DMD: variants seen among roughly 807,000 people sequenced by gnomAD.
The protein encoded by DMD is dystrophin, also known as mutant dystrophin.
A neutral mutation model predicts 330.1 loss-of-function variants in DMD; 63 were observed. The ratio of observed to expected loss-of-function variants is 0.19; its 90% CI spans 0.16 to 0.24. The LOEUF is 0.24. DMD is among the 10% of genes least tolerant of loss of function. The pLI is 1.00. For synonymous variants in DMD, 1,223 were observed against 959.8 expected (o/e 1.27, Z -5.07); for missense variants, 3,344 against 2,684.1 (o/e 1.25, Z -5.43).
chrX:32,852,982 G>GA (rs1158069644), intron 2 of DMD, among the ~76,000 whole-genome samples: 1 of 111,825 alleles, frequency 8.9e-6, no homozygotes, highest in Non-Finnish European at 1.9e-5. Context: ...AGCAGCAAGA[G>GA]AAAAGATACA....
intron 7 of DMD, among the ~76,000 whole-genome samples, chrX:32,732,556 C>A (rs1426109065): frequency 9.9e-5 from 11 of 111,394 alleles, no homozygotes; most frequent in Admixed American, 5.7e-4. Flanking sequence ...ACACTAACAG[C>A]GGATCTCTCG....
chrX:31,612,782 T>G (rs1047763585), intron 55 of DMD, among the ~76,000 whole-genome samples: 3 of 112,481 alleles, frequency 2.7e-5, no homozygotes, highest in African/African-American at 9.7e-5. Context: ...TATGTTGCTA[T>G]TCGAGAGGTA....
At chrX:32,661,246 T>C (rs1027217199) in intron 9 of DMD, among the ~76,000 whole-genome samples, 1 of 111,495 alleles carries the variant, frequency 9.0e-6, no homozygotes, top group Non-Finnish European at 1.9e-5. Flanking sequence ...GTCTTCATCA[T>C]CTAAATTCTT....
At chrX:31,514,562 T>C (rs755697184) in intron 55 of DMD, among the ~76,000 whole-genome samples, 28 of 112,338 alleles carry the variant, frequency 2.5e-4, no homozygotes, top group African/African-American at 8.1e-4. Flanking sequence ...ACTCTTTCAT[T>C]ACTTTGGTTT....
At chrX:32,140,900 G>A (rs1489211776) in intron 44 of DMD, among the ~76,000 whole-genome samples, 2 of 111,167 alleles carry the variant, frequency 1.8e-5, no homozygotes, top group African/African-American at 6.5e-5. Context: ...TGGGGACACA[G>A]CCAAACCATA....
chrX:32,141,280 A>AAC (rs1251315726), intron 44 of DMD, among the ~76,000 whole-genome samples: 168 of 107,964 alleles, frequency 1.6e-3, no homozygotes, highest in African/African-American at 5.5e-3. Context: ...ACAAAAAAAA[A>AAC]AAACAAATAG....
intron 54 of DMD, among the ~76,000 whole-genome samples, chrX:31,634,198 T>A (rs1334380462): frequency 8.9e-6 from 1 of 112,297 alleles, no homozygotes; most frequent in Non-Finnish European, 1.9e-5. Flanking sequence ...GCAGAAAAGA[T>A]CTGGCTGCTC....
chrX:32,919,416 A>G (rs2088170099), intron 2 of DMD, among the ~76,000 whole-genome samples: 1 of 112,297 alleles, frequency 8.9e-6, no homozygotes, highest in African/African-American at 3.2e-5. Context: ...CTATTCAACT[A>G]TAAAGTAAAT....
chrX:32,766,331 T>A (rs2072978669), intron 7 of DMD, among the ~76,000 whole-genome samples: 1 of 111,467 alleles, frequency 9.0e-6, no homozygotes, highest in Non-Finnish European at 1.9e-5. Flanking sequence ...TTCATAAACC[T>A]GGGGTTCCTT....
chrX:33,218,185 T>C (rs372293506), intron 1 of DMD, among the ~76,000 whole-genome samples: 38 of 111,780 alleles, frequency 3.4e-4, no homozygotes, highest in African/African-American at 1.2e-3. Flanking sequence ...CCTCCATCAA[T>C]TGATATGATC....
At chrX:31,338,849 TC>T (rs2148416444) in intron 61 of DMD, among the ~76,000 whole-genome samples, 1 of 108,046 alleles carries the variant, frequency 9.3e-6, no homozygotes, top group East Asian at 2.9e-4. Flanking sequence ...TGAGCATCCT[TC>T]CTGCTAAGTT....
intron 1 of DMD, among the ~76,000 whole-genome samples, chrX:33,282,723 G>A (rs1175919156): frequency 8.9e-6 from 1 of 111,964 alleles, no homozygotes. Flanking sequence ...CCATTCAATA[G>A]CCCTTGCCAG....
At chrX:33,262,204 A>G (rs2052969184) in intron 1 of DMD, among the ~76,000 whole-genome samples, 1 of 111,802 alleles carries the variant, frequency 8.9e-6, no homozygotes, top group Non-Finnish European at 1.9e-5. Context: ...AAAGAAATAA[A>G]CAGCTTAAGT....
At chrX:31,454,682 T>C in intron 59 of DMD, among the ~76,000 whole-genome samples, 1 of 112,006 alleles carries the variant, frequency 8.9e-6, no homozygotes. Flanking sequence ...GGCCTGAGAA[T>C]TTGGCATTTC....
intron 9 of DMD, among the ~76,000 whole-genome samples, chrX:32,665,337 T>C (rs2061234981): frequency 9.0e-6 from 1 of 111,515 alleles, no homozygotes; most frequent in African/African-American, 3.3e-5. Flanking sequence ...CTTAGTGTTC[T>C]CGTCTGAAAA....
chrX:33,009,154 GTATATATGTATATATATGTGTATATA>G lies in DMD; in HGVS notation c.93+10959_93+10984del, dbSNP rs1569548825. 1.5e-4 allele frequency among the ~76,000 whole-genome samples: 3 copies of G among 20,173 alleles called. 1 individual carries two copies. Among genetic ancestry groups the G allele is most frequent in the Non-Finnish European group, 2.6e-4 (3 of 11,425 alleles). 17.5% of individuals were successfully genotyped at this position (20,173 alleles called of 115,157 possible). A position where few individuals can be genotyped will look rare whatever the true frequency, so the allele number is the denominator to read the frequency against. ...TATGTATATATATGTGTATATATAC[GTATATATGTATATATATGTGTATATA>G]TACGTATATATGTATATATGTGTAT... On this transcript the variant is annotated intron_variant, in intron 2 of 78. Coordinates refer to ENST00000357033, the MANE Select transcript of DMD (RefSeq NM_004006.3).
intron 12 of DMD, among the ~76,000 whole-genome samples, chrX:32,598,585 T>C (rs2055837130): frequency 8.9e-6 from 1 of 112,120 alleles, no homozygotes; most frequent in African/African-American, 3.2e-5. Flanking sequence ...GTAAATTGCT[T>C]TTTCACAATT....
intron 43 of DMD, among the ~76,000 whole-genome samples, chrX:32,285,488 G>A (rs113214232): frequency 0.026 from 2,921 of 111,483 alleles, 105 homozygotes; most frequent in African/African-American, 0.089. Context: ...ATCATGGCTC[G>A]TGGCAGCCTT....
At chrX:32,744,557 C>A (rs902413159) in intron 7 of DMD, among the ~76,000 whole-genome samples, 2 of 111,358 alleles carry the variant, frequency 1.8e-5, no homozygotes, top group African/African-American at 6.5e-5. Flanking sequence ...TTAAATTAGA[C>A]CTAAGAAAAA....
Sources: gnomAD v4.1 joint callset for allele counts (sites outside exome capture counted in the v4.1 genomes callset) on GRCh38, gnomAD v4.1.1 for gene constraint, MANE v1.5 for transcripts, NCBI Gene and HGNC (gene_info 2026-07-23, HGNC 2026-07-21) for gene names.